Variants in SDC2 observed in about 807,000 individuals in gnomAD.
SDC2 encodes the protein syndecan-2.
A neutral mutation model predicts 22.2 loss-of-function variants in SDC2; 13 were observed. That is an observed-to-expected ratio of 0.59 (90% CI 0.38 to 0.93). The LOEUF is 0.93. SDC2 is among the 40% of genes least tolerant of loss of function. The probability of loss-of-function intolerance (pLI) is 0.00; values close to 1 mark genes in which losing one functional copy is unlikely to be tolerated. For synonymous variants in SDC2, 94 were observed against 92.8 expected (o/e 1.01, Z -0.07); for missense variants, 235 against 246.8 (o/e 0.95, Z 0.32).
At chr8:96,541,063 G>GTTAT (rs1240658013) in intron 1 of SDC2, among the ~76,000 whole-genome samples, 4 of 65,102 alleles carry the variant, frequency 6.1e-5, no homozygotes, top group African/African-American at 2.4e-4. Flanking sequence ...TTGATTAAAA[G>GTTAT]GTATTATAGA....
intron 1 of SDC2, among the ~76,000 whole-genome samples, chr8:96,583,283 T>C (rs1319545026): frequency 7.5e-6 from 1 of 133,754 alleles, no homozygotes; most frequent in African/African-American, 2.9e-5. Flanking sequence ...ATATATAATA[T>C]ATATATGTAA....
intron 1 of SDC2, among the ~76,000 whole-genome samples, chr8:96,591,814 C>G (rs1302439915): frequency 2.0e-5 from 3 of 151,912 alleles, no homozygotes; most frequent in African/African-American, 7.3e-5. Flanking sequence ...GTGGTTCAAC[C>G]CAAGCGGTGT....
chr8:96,534,506 C>T (rs1413315442), intron 1 of SDC2, among the ~76,000 whole-genome samples: 1 of 152,168 alleles, frequency 6.6e-6, no homozygotes, highest in African/African-American at 2.4e-5. Context: ...GCGATGATAA[C>T]TCACTGTAAC....
chr8:96,583,352 TTATA>T (rs971183861), intron 1 of SDC2, among the ~76,000 whole-genome samples: 1 of 124,316 alleles, frequency 8.0e-6, no homozygotes, highest in African/African-American at 3.1e-5. Flanking sequence ...AAAATATATA[TTATA>T]TATATTATAT....
chr8:96,547,539 C>G (rs867718691), intron 1 of SDC2, among the ~76,000 whole-genome samples: 6 of 152,156 alleles, frequency 3.9e-5, no homozygotes, highest in Admixed American at 2.0e-4. Context: ...TCACGGTATT[C>G]AGTCTTGATG....
At chr8:96,607,798 A>G (rs1432961417) in intron 3 of SDC2, among the ~76,000 whole-genome samples, 1 of 152,154 alleles carries the variant, frequency 6.6e-6, no homozygotes, top group Non-Finnish European at 1.5e-5. Context: ...GTCCTGGTCT[A>G]GGGTTTGCTG....
chr8:96,509,877 C>G (rs1813302700), intron 1 of SDC2, among the ~76,000 whole-genome samples: 1 of 152,238 alleles, frequency 6.6e-6, no homozygotes, highest in Non-Finnish European at 1.5e-5. Context: ...TCCTTGCTCC[C>G]TTCCAGCTTT....
intron 1 of SDC2, among the ~76,000 whole-genome samples, chr8:96,547,899 C>A (rs960419736): frequency 2.6e-5 from 4 of 151,918 alleles, no homozygotes; most frequent in African/African-American, 9.7e-5. Context: ...GTAGCTGGAA[C>A]TACAGGCGCA....
intron 2 of SDC2, among the ~76,000 whole-genome samples, chr8:96,596,872 C>T (rs1275946615): frequency 1.3e-5 from 2 of 152,114 alleles, no homozygotes; most frequent in Admixed American, 6.6e-5. Flanking sequence ...CGAGTTAGTT[C>T]GCAGTGGGGA....
intron 1 of SDC2, among the ~76,000 whole-genome samples, chr8:96,562,631 A>C (rs1328702348): frequency 3.9e-5 from 6 of 152,234 alleles, no homozygotes; most frequent in African/African-American, 1.4e-4. Context: ...CTGATGAGAT[A>C]ATTACAGCAA....
At chr8:96,572,456 CAGG>C (rs1814412143) in intron 1 of SDC2, among the ~76,000 whole-genome samples, 1 of 152,112 alleles carries the variant, frequency 6.6e-6, no homozygotes, top group Admixed American at 6.5e-5. Context: ...AGTGGTGTCT[CAGG>C]TGGTATGAAG....
At chr8:96,495,765 C>CT (rs1337615962) in intron 1 of SDC2, among the ~76,000 whole-genome samples, 2 of 152,122 alleles carry the variant, frequency 1.3e-5, no homozygotes, top group African/African-American at 4.8e-5. Context: ...GTGGGAGCCT[C>CT]TGTGTGTGCT....
chr8:96,575,028 C>T (rs916428142), intron 1 of SDC2, among the ~76,000 whole-genome samples: 5 of 152,160 alleles, frequency 3.3e-5, no homozygotes, highest in South Asian at 2.1e-4. Flanking sequence ...AATCTAATGC[C>T]GCCACTGATC....
At chr8:96,584,214 T>C (rs1220436554) in intron 1 of SDC2, among the ~76,000 whole-genome samples, 2 of 152,242 alleles carry the variant, frequency 1.3e-5, no homozygotes, top group Non-Finnish European at 2.9e-5. Flanking sequence ...ATCCATTGAC[T>C]GTGGCAAGTC....
intron 4 of SDC2, 99 bp from the exon 5 acceptor site, chr8:96,609,286 G>A (rs1815136619): frequency 1.0e-6 from 1 of 958,290 alleles, no homozygotes; most frequent in African/African-American, 1.7e-5. Context: ...TTCAAATTAA[G>A]CCTTTTATAA....
intron 3 of SDC2, among the ~76,000 whole-genome samples, chr8:96,604,980 G>T (rs530596344): frequency 7.2e-5 from 11 of 152,282 alleles, no homozygotes; most frequent in African/African-American, 2.4e-4. Flanking sequence ...GCCGCTTGAG[G>T]CTTGTGCACC....
At chr8:96,554,454 G>A (rs1225399538) in intron 1 of SDC2, among the ~76,000 whole-genome samples, 23 of 152,040 alleles carry the variant, frequency 1.5e-4, no homozygotes, top group Admixed American at 1.5e-3. Flanking sequence ...GTTTTAAGCA[G>A]GTCATGGTTT....
intron 1 of SDC2, among the ~76,000 whole-genome samples, chr8:96,547,803 C>G (rs1487442068): frequency 6.6e-6 from 1 of 151,828 alleles, no homozygotes; most frequent in Non-Finnish European, 1.5e-5. Context: ...CTCTGTTGCC[C>G]AGGCTGGCAT....
chr8:96,498,827 G>C (rs945485888), intron 1 of SDC2, among the ~76,000 whole-genome samples: 1 of 152,214 alleles, frequency 6.6e-6, no homozygotes, highest in African/African-American at 2.4e-5. Context: ...TGATGGGACA[G>C]AAAATTTCAA....
Sources: allele counts gnomAD v4.1 joint callset (sites outside exome capture counted in the v4.1 genomes callset), GRCh38; gene constraint gnomAD v4.1.1; transcripts MANE v1.5; gene names NCBI Gene and HGNC (gene_info 2026-07-23, HGNC 2026-07-21).